Variants in ERI3 observed in about 807,000 individuals in gnomAD.
The protein encoded by ERI3 is ERI1 exoribonuclease family member 3.
ERI3 carries 18 observed loss-of-function variants against 44.4 expected under a neutral mutation model. That is an observed-to-expected ratio of 0.41 (90% CI 0.28 to 0.60). The LOEUF is 0.60. Among genes scored for constraint, ERI3 ranks in the 20% least tolerant of loss-of-function variants. The pLI is 0.36. For synonymous variants in ERI3, 183 were observed against 164.8 expected (o/e 1.11, Z -0.84); for missense variants, 294 against 435.5 (o/e 0.68, Z 2.89).
intron 8 of ERI3, among the ~76,000 whole-genome samples, chr1:44,246,365 T>C (rs1324092246): frequency 6.6e-6 from 1 of 152,246 alleles, no homozygotes; most frequent in Non-Finnish European, 1.5e-5. Flanking sequence ...TCCTCTTCTC[T>C]AGGAAACTTC....
At chr1:44,233,075 C>T (rs988671493) in intron 8 of ERI3, among the ~76,000 whole-genome samples, 46 of 152,260 alleles carry the variant, frequency 3.0e-4, no homozygotes, top group African/African-American at 1.0e-3. Context: ...CCACCTGGAG[C>T]GTATGACTAG....
rs189574361 is a variant in ERI3 at position 44,315,010 on chromosome 1, C to T, written c.607-1782G>A. On this transcript the variant is annotated intron_variant, in intron 4 of 8. Coordinates refer to ENST00000372257, the MANE Select transcript of ERI3 (RefSeq NM_024066.3). ...TTACCAACCCCAGATTAGTGACAGA[C>T]ACCCACAGGCCCACCGCTGCCCATT... Among the ~76,000 whole-genome samples the T allele has an allele frequency of 3.5e-3, 538 of 152,308 alleles. 4 individuals are homozygous for T. Among genetic ancestry groups the T allele is most frequent in the Non-Finnish European group, 6.1e-3 (418 of 68,024 alleles).
In ERI3 at chr1:44,221,192, C is replaced by T. The variant is rs1643892559; in HGVS notation, c.*366G>A. On this transcript the variant is annotated 3_prime_UTR_variant, in exon 9 of 9. Coordinates refer to ENST00000372257, the MANE Select transcript of ERI3 (RefSeq NM_024066.3). This position sits in a 1 kb window ranked among gnomAD's most constrained non-coding sequence, Gnocchi z 5.9. ...GTCCTGGAGCCCTGGGGGCACCACA[C>T]ACCATGCACTATGGATGGGAGGGGG... is the stretch of plus-strand genomic sequence containing the variant. The T allele has an allele frequency of 6.1e-6, 2 of 328,236 alleles. No homozygotes were observed. Among genetic ancestry groups the T allele is most frequent in the African/African-American group, 2.1e-5 (1 of 46,976 alleles). 20.3% of individuals were successfully genotyped at this position (328,236 alleles called of 1,614,324 possible). A position where few individuals can be genotyped will look rare whatever the true frequency, so the allele number is the denominator to read the frequency against.
chr1:44,307,505 C>A (rs1428722101), intron 6 of ERI3, among the ~76,000 whole-genome samples: 1 of 152,162 alleles, frequency 6.6e-6, no homozygotes, highest in African/African-American at 2.4e-5. Context: ...TTCTATGACT[C>A]CTCAGCAAAC....
intron 6 of ERI3, among the ~76,000 whole-genome samples, chr1:44,307,152 G>A (rs1645854287): frequency 6.6e-6 from 1 of 152,134 alleles, no homozygotes. Context: ...CACACCTGAT[G>A]GGTGTGGGAG....
chr1:44,259,689 G>GACACACAC (rs58901342), intron 7 of ERI3, among the ~76,000 whole-genome samples: 5,933 of 140,330 alleles, frequency 0.042, 309 homozygotes, highest in East Asian at 0.26. Context: ...AAAACACACA[G>GACACACAC]ACACACACAC....
At chr1:44,237,339 G>T (rs1023917573) in intron 8 of ERI3, among the ~76,000 whole-genome samples, 4 of 152,128 alleles carry the variant, frequency 2.6e-5, no homozygotes, top group Non-Finnish European at 5.9e-5. Flanking sequence ...CACAGGGAAG[G>T]CTCCATCATC....
intron 7 of ERI3, among the ~76,000 whole-genome samples, chr1:44,277,007 C>G (rs1270490943): frequency 6.6e-6 from 1 of 152,208 alleles, no homozygotes; most frequent in East Asian, 1.9e-4. Context: ...CTATACTTCT[C>G]AAGTCAGCTC....
intron 3 of ERI3, chr1:44,322,813 A>G (rs1486379793): frequency 6.5e-7 from 1 of 1,550,178 alleles, no homozygotes; most frequent in Admixed American, 2.0e-5. Flanking sequence ...AGGTGCCCCA[A>G]TCTGCACCAA....
At chr1:44,310,223 A>G (rs899822458) in intron 5 of ERI3, among the ~76,000 whole-genome samples, 15 of 152,206 alleles carry the variant, frequency 9.9e-5, no homozygotes, top group African/African-American at 3.1e-4. Flanking sequence ...TACCTTTCAC[A>G]GGGAAAGGAG....
At chr1:44,292,830 GGAGA>G (rs1182286975) in intron 6 of ERI3, among the ~76,000 whole-genome samples, 1 of 152,234 alleles carries the variant, frequency 6.6e-6, no homozygotes, top group Non-Finnish European at 1.5e-5. Context: ...CAAAGGGTCA[GGAGA>G]GAGTACTGTT....
chr1:44,336,873 C>T (rs1255385400), intron 3 of ERI3, among the ~76,000 whole-genome samples: 1 of 152,226 alleles, frequency 6.6e-6, no homozygotes, highest in Non-Finnish European at 1.5e-5. Flanking sequence ...TGGAGATAAT[C>T]TTTAATCAGG....
At chr1:44,338,327 T>A (rs1453351678) in intron 3 of ERI3, among the ~76,000 whole-genome samples, 2 of 152,178 alleles carry the variant, frequency 1.3e-5, no homozygotes, top group East Asian at 3.9e-4. Flanking sequence ...CTCCTAAGGT[T>A]GAAGTCACAT....
chr1:44,281,892 G>GCA (rs1645297405), intron 7 of ERI3, among the ~76,000 whole-genome samples: 1 of 147,684 alleles, frequency 6.8e-6, no homozygotes, highest in African/African-American at 2.5e-5. Flanking sequence ...GTGTGTGTGT[G>GCA]TGTGTGTGTG....
chr1:44,336,837 A>G (rs1646544986), intron 3 of ERI3, among the ~76,000 whole-genome samples: 1 of 152,232 alleles, frequency 6.6e-6, no homozygotes, highest in Non-Finnish European at 1.5e-5. Flanking sequence ...TGCCCTTGGA[A>G]TCACATCATC....
intron 7 of ERI3, 126 bp from the exon 8 acceptor site, chr1:44,248,164 A>G: frequency 1.7e-6 from 1 of 605,056 alleles, no homozygotes; most frequent in Admixed American, 3.2e-5. Flanking sequence ...CCATCTCGTG[A>G]GAGTCCCTTC....
intron 7 of ERI3, among the ~76,000 whole-genome samples, chr1:44,275,210 T>C (rs1364969744): frequency 3.3e-5 from 5 of 152,238 alleles, no homozygotes; most frequent in African/African-American, 1.2e-4. Context: ...GTAGAGGAGC[T>C]CTGTGGGCAG....
intron 7 of ERI3, among the ~76,000 whole-genome samples, chr1:44,250,089 G>A (rs1467288912): frequency 2.0e-5 from 3 of 152,204 alleles, no homozygotes; most frequent in East Asian, 1.9e-4. Context: ...GAATAACATC[G>A]TCTACTTTGC....
At chr1:44,306,090 A>G (rs1274001128) in intron 6 of ERI3, among the ~76,000 whole-genome samples, 1 of 152,218 alleles carries the variant, frequency 6.6e-6, no homozygotes, top group Non-Finnish European at 1.5e-5. Flanking sequence ...ATTTTGTTAC[A>G]CATTTAATTA....
Sources: gnomAD v4.1 joint callset for allele counts (sites outside exome capture counted in the v4.1 genomes callset) on GRCh38, gnomAD v4.1.1 for gene constraint, Gnocchi (gnomAD v3.1) non-coding constraint, MANE v1.5 for transcripts, NCBI Gene and HGNC (gene_info 2026-07-23, HGNC 2026-07-21) for gene names.